Variants in CACNA1C observed in about 807,000 individuals in gnomAD.
The protein encoded by CACNA1C is voltage-dependent L-type calcium channel subunit alpha-1C.
Under a neutral mutation model 229.0 loss-of-function variants are expected in CACNA1C, and 30 were observed. The observed-to-expected ratio is 0.13, with a 90% CI of 0.10 to 0.18. CACNA1C has a LOEUF of 0.18. Ranked by LOEUF, CACNA1C falls within the 10% of genes least tolerant of loss-of-function variation. The pLI is 1.00. For synonymous variants in CACNA1C, 1,114 were observed against 1,132.5 expected (o/e 0.98, Z 0.33); for missense variants, 1,658 against 2,845.0 (o/e 0.58, Z 9.49).
In CACNA1C at chr12:2,694,387, G is replaced by A. The variant is rs1400392803; in HGVS notation, c.*3188G>A. On this transcript the variant is annotated 3_prime_UTR_variant, in exon 47 of 47. Coordinates refer to ENST00000399655, the MANE Select transcript of CACNA1C (RefSeq NM_000719.7). Reference sequence around the variant, plus strand: ...CAGGAGAAAACAGTCAGGGGCTAAGGGCCCAAGGGACTTGAAGAAACAACA... The same window carrying A: ...CAGGAGAAAACAGTCAGGGGCTAAGAGCCCAAGGGACTTGAAGAAACAACA... 2.0e-5 allele frequency: 3 copies of A among 152,196 alleles called. No individual in the cohort carries two copies. The highest frequency in any genetic ancestry group is 7.2e-5 in the African/African-American group (3 of 41,444). The allele number at this position is 152,196 out of a possible 1,614,324, so 9.4% of individuals were successfully genotyped here. A position where few individuals can be genotyped will look rare whatever the true frequency, so the allele number is the denominator to read the frequency against.
At chr12:2,533,805 G>A (rs1029107903) in intron 9 of CACNA1C, among the ~76,000 whole-genome samples, 5 of 152,124 alleles carry the variant, frequency 3.3e-5, no homozygotes, top group Admixed American at 6.5e-5. Context: ...TTCTGCTCTC[G>A]GCAGCCTCAG....
chr12:2,675,874 C>T (rs1325272683), intron 39 of CACNA1C: 3 of 152,152 alleles, frequency 2.0e-5, no homozygotes, highest in Non-Finnish European at 2.9e-5. Flanking sequence ...CACAGTACCC[C>T]GACAACTAAA....
In CACNA1C at chr12:2,686,115, C is replaced by T. The variant is rs554354245; in HGVS notation, c.5681-51C>T. ...CCACCAGGGTGTAAACTGTCACAGG[C>T]CAGTGCCCTGTTTTCCTGCCCTGAT... On this transcript the variant is annotated intron_variant, in intron 44 of 46. Transcript: ENST00000399655. 2.9e-5 allele frequency: 40 copies of T among 1,392,794 alleles called. No homozygotes were observed. The South Asian group carries it at 4.5e-4, about 16-fold the overall frequency. 86.3% of individuals were successfully genotyped at this position (1,392,794 alleles called of 1,614,324 possible).
chr12:2,558,185 G>A (rs2045542007), intron 11 of CACNA1C, among the ~76,000 whole-genome samples: 1 of 152,200 alleles, frequency 6.6e-6, no homozygotes. Context: ...ATGGCGGAGA[G>A]GGACTTTGAG....
At chr12:2,581,017 C>T (rs1006096946) in intron 13 of CACNA1C, among the ~76,000 whole-genome samples, 44 of 152,360 alleles carry the variant, frequency 2.9e-4, no homozygotes, top group African/African-American at 9.6e-4. Context: ...CATGAACTCT[C>T]TCTTACCCGT....
intron 3 of CACNA1C, among the ~76,000 whole-genome samples, chr12:2,206,719 A>G (rs1272464989): frequency 2.6e-5 from 4 of 152,198 alleles, no homozygotes; most frequent in Admixed American, 6.5e-5. Flanking sequence ...CAGCTGTCAC[A>G]TCTACTAACT....
intron 2 of CACNA1C, 142 bp downstream of exon 2, chr12:2,115,687 G>A: frequency 4.0e-6 from 3 of 743,814 alleles, no homozygotes; most frequent in African/African-American, 3.5e-5. Context: ...GCATCACTGG[G>A]GTGCTGTGAA....
In CACNA1C at chr12:2,112,891, G is replaced by A. The variant is rs548868187; in HGVS notation, c.50-2333G>A. Among the ~76,000 whole-genome samples the A allele has an allele frequency of 9.5e-4, 144 of 152,332 alleles. 2 individuals carry two copies. Among genetic ancestry groups the A allele is most frequent in the South Asian group, 6.4e-3 (31 of 4,822 alleles). On this transcript the variant is annotated intron_variant, in intron 1 of 46. Coordinates refer to ENST00000399655, the MANE Select transcript of CACNA1C (RefSeq NM_000719.7). ...TGTCTGTCACTGGTGTGATGGAAAG[G>A]ATATAGACTGGAGTCCAGCAGAAAT...
At position 2,689,780 on chromosome 12, in the gene CACNA1C, A is replaced by AG. The variant is rs2097716202; in HGVS notation, c.6117+1004dup. 1 of 152,282 alleles carries AG rather than the reference A, an allele frequency of 6.6e-6. No individual in the cohort carries two copies. The highest frequency in any genetic ancestry group is 6.5e-5 in the Admixed American group (1 of 15,284). 9.4% of individuals were successfully genotyped at this position (152,282 alleles called of 1,614,324 possible). A position where few individuals can be genotyped will look rare whatever the true frequency, so the allele number is the denominator to read the frequency against. On this transcript the variant is annotated intron_variant, in intron 46 of 46. Transcript: ENST00000399655. This position sits in a 1 kb window ranked among gnomAD's most constrained non-coding sequence, Gnocchi z 4.2. ...CATGTGCAGGCCCTGTTCTAGGTAC[A>AG]GGGACACAGCTGAGAAACAGAGCTT...
At chr12:2,032,940 C>A (rs1235712935) in intron 1 of CACNA1C, among the ~76,000 whole-genome samples, 1 of 152,160 alleles carries the variant, frequency 6.6e-6, no homozygotes, top group Non-Finnish European at 1.5e-5. Context: ...ATAAAACATC[C>A]CTCCAGTGCT....
chr12:2,559,883 G>C (rs1011616134), intron 11 of CACNA1C, among the ~76,000 whole-genome samples: 1 of 152,114 alleles, frequency 6.6e-6, no homozygotes, highest in African/African-American at 2.4e-5. Flanking sequence ...CTAGTAGGCA[G>C]GTTAAAAAAT....
chr12:2,407,101 C>T (rs1051411096), intron 3 of CACNA1C, among the ~76,000 whole-genome samples: 1 of 152,196 alleles, frequency 6.6e-6, no homozygotes, highest in Non-Finnish European at 1.5e-5. Context: ...AGGGGAGCCT[C>T]GTTACTGCCT....
At chr12:2,202,646 C>T (rs2097620618) in intron 3 of CACNA1C, among the ~76,000 whole-genome samples, 2 of 152,198 alleles carry the variant, frequency 1.3e-5, no homozygotes, top group Admixed American at 6.5e-5. Flanking sequence ...TCGAAGGCAG[C>T]TCTGCCACCA....
chr12:2,607,819 A>G (rs1266889350), intron 26 of CACNA1C: 2 of 152,316 alleles, frequency 1.3e-5, no homozygotes, highest in Non-Finnish European at 2.9e-5. Context: ...AATGTTTCTA[A>G]GTCAACAGCA....
intron 1 of CACNA1C, among the ~76,000 whole-genome samples, chr12:2,089,175 G>A (rs984281879): frequency 1.3e-4 from 20 of 152,196 alleles, no homozygotes; most frequent in Non-Finnish European, 5.9e-5. Flanking sequence ...CATTGCATGA[G>A]TGTATAGACA....
intron 3 of CACNA1C, among the ~76,000 whole-genome samples, chr12:2,309,220 A>G (rs2095282180): frequency 6.6e-6 from 1 of 152,196 alleles, no homozygotes; most frequent in Non-Finnish European, 1.5e-5. Flanking sequence ...ACACTATGCT[A>G]AGTGAAATAA....
chr12:2,225,608 A>C (rs1043872485), intron 3 of CACNA1C, among the ~76,000 whole-genome samples: 2 of 152,096 alleles, frequency 1.3e-5, no homozygotes, highest in Non-Finnish European at 2.9e-5. Context: ...TGTTCTGGAG[A>C]GTTTTACTTG....
At position 2,204,096 on chromosome 12, in the gene CACNA1C, C is replaced by T. The variant is rs545307394; in HGVS notation, c.477+83666C>T. ...GTGTAAAAGTGTTCCTATTTCTCCA[C>T]ATCCTCTCCAGCACCTGTTGTTTCC... is the stretch of plus-strand genomic sequence containing the variant. On this transcript the variant is annotated intron_variant, in intron 3 of 46. Transcript: ENST00000399655. Among the ~76,000 whole-genome samples, 3 of 152,304 alleles carry T rather than the reference C, an allele frequency of 2.0e-5. 1 individual carries two copies. The South Asian group carries it at 6.2e-4, about 32-fold the overall frequency.
At chr12:2,347,364 C>T (rs913519506) in intron 3 of CACNA1C, among the ~76,000 whole-genome samples, 1 of 152,264 alleles carries the variant, frequency 6.6e-6, no homozygotes, top group African/African-American at 2.4e-5. Flanking sequence ...GTGCTAGGTA[C>T]ATCCACAGCA....
Sources: allele counts gnomAD v4.1 joint callset (sites outside exome capture counted in the v4.1 genomes callset), GRCh38; gene constraint gnomAD v4.1.1; non-coding constraint Gnocchi (gnomAD v3.1); transcripts MANE v1.5; gene names NCBI Gene and HGNC (gene_info 2026-07-23, HGNC 2026-07-21).